Variants in ADAM12 observed in about 807,000 individuals in gnomAD.
ADAM12 encodes the protein ADAM metallopeptidase domain 12, also known as disintegrin and metalloproteinase domain-containing protein 12.
ADAM12 carries 70 observed loss-of-function variants against 106.4 expected under a neutral mutation model. The ratio of observed to expected loss-of-function variants is 0.66; its 90% confidence interval spans 0.54 to 0.80. ADAM12 has a LOEUF of 0.80. Among genes scored for constraint, ADAM12 ranks in the 30% least tolerant of loss-of-function variants. The pLI is 0.00. For synonymous variants in ADAM12, 420 were observed against 433.5 expected (o/e 0.97, Z 0.39); for missense variants, 1,010 against 1,171.9 (o/e 0.86, Z 2.02).
chr10:126,042,749 C>A (rs534370942), intron 18 of ADAM12, among the ~76,000 whole-genome samples: 1 of 152,310 alleles, frequency 6.6e-6, no homozygotes, highest in Non-Finnish European at 1.5e-5. Context: ...ACATTCATAC[C>A]CATTCAGCAG....
At position 126,049,632 on chromosome 10, in the gene ADAM12, G is replaced by C; in HGVS notation, c.1647C>G (p.Val549=). ...TGCCATAAGGATCACCTGCAGAATT[G>C]ACTCTCTCAAAGCAGATCCCAGGGG... ...KPAPGICFER[V]NSAGDPYGNC... Residue 549 remains valine (V), a synonymous_variant, in exon 15 of 23, where the codon GTC becomes GTG. Transcript: ENST00000448723. This position sits in a 1 kb window ranked among gnomAD's most constrained non-coding sequence, Gnocchi z 4.4. 1.2e-6 allele frequency: 2 copies of C among 1,614,094 alleles called. No homozygotes were observed. The highest frequency in any genetic ancestry group is 1.7e-6 in the Non-Finnish European group (2 of 1,180,034).
chr10:126,031,568 C>T (rs1190020976), intron 21 of ADAM12, among the ~76,000 whole-genome samples: 1 of 152,204 alleles, frequency 6.6e-6, no homozygotes, highest in Non-Finnish European at 1.5e-5. Flanking sequence ...AGCCCCAGCT[C>T]ATCATTCATC....
At position 126,042,027 on chromosome 10, in the gene ADAM12, C is replaced by T. The variant is rs61546477; in HGVS notation, c.2104+1013G>A. ...TGTGTTGTGTCTGTTGTCATGGAAA[C>T]GATGGCAAAGCCACAGAGTCAATGC... On this transcript the variant is annotated intron_variant, in intron 18 of 22. Transcript: ENST00000448723. 0.011 allele frequency: 16,378 copies of T among 1,480,224 alleles called. 1,472 individuals carry two copies. In the African/African-American group the frequency reaches 0.2, roughly 18 times the overall value. The allele number at this position is 1,480,224 out of a possible 1,614,324, so 91.7% of individuals were successfully genotyped here.
intron 2 of ADAM12, among the ~76,000 whole-genome samples, chr10:126,305,900 T>C (rs1015344756): frequency 6.6e-6 from 1 of 151,998 alleles, no homozygotes; most frequent in African/African-American, 2.4e-5. Context: ...TTTTGATGTG[T>C]TTGCTTGCAT....
chr10:126,013,618 T>C lies in ADAM12; in HGVS notation c.*3661A>G, dbSNP rs537982586. 47 of 152,326 alleles carry C rather than the reference T, an allele frequency of 3.1e-4. No homozygotes were observed. The highest frequency in any genetic ancestry group is 1.1e-3 in the African/African-American group (45 of 41,544). 9.4% of individuals were successfully genotyped at this position (152,326 alleles called of 1,614,324 possible). On this transcript the variant is annotated 3_prime_UTR_variant, in exon 23 of 23. Coordinates refer to ENST00000448723, the MANE Select transcript of ADAM12 (RefSeq NM_001288973.2). This position sits in a 1 kb window ranked among gnomAD's most constrained non-coding sequence, Gnocchi z 4.3. ...CACTTTGGCTGATCTAAAGTAGCAA[T>C]GGAAGTAGTGATTTGACTGTCAAAC...
intron 3 of ADAM12, among the ~76,000 whole-genome samples, chr10:126,158,945 A>G (rs1956882043): frequency 6.6e-6 from 1 of 151,868 alleles, no homozygotes; most frequent in African/African-American, 2.4e-5. Flanking sequence ...AGAGCATGGA[A>G]GATGCAGCTA....
At chr10:126,135,241 A>G in intron 5 of ADAM12, 1 of 254,540 alleles carries the variant, frequency 3.9e-6, no homozygotes, top group Non-Finnish European at 7.5e-6. Flanking sequence ...GTAATGTTCT[A>G]TCTTTTAGCA....
At chr10:126,187,326 T>TATAAA (rs1554983505) in intron 3 of ADAM12, among the ~76,000 whole-genome samples, 1 of 148,490 alleles carries the variant, frequency 6.7e-6, no homozygotes, top group East Asian at 2.0e-4. Context: ...GGAAATGAAA[T>TATAAA]AAAAAAAAAA....
rs1475870017 is a variant in ADAM12 at position 126,375,754 on chromosome 10, T to C, written c.88+12304A>G. Among the ~76,000 whole-genome samples, 3 of 145,452 alleles carry C rather than the reference T, an allele frequency of 2.1e-5. No homozygotes were observed. The East Asian group carries it at 5.9e-4, about 29-fold the overall frequency. ...ACTTCTTCTTCTTCTTTTTTTTTTT[T>C]CTTTCTTTTTTGAGACAGGGTCAGG... On this transcript the variant is annotated intron_variant, in intron 1 of 22. Coordinates refer to ENST00000448723, the MANE Select transcript of ADAM12 (RefSeq NM_001288973.2).
At chr10:126,323,393 A>C (rs1440242090) in intron 2 of ADAM12, among the ~76,000 whole-genome samples, 1 of 152,230 alleles carries the variant, frequency 6.6e-6, no homozygotes, top group African/African-American at 2.4e-5. Context: ...CCCAGGTAAG[A>C]TACCACATAG....
At chr10:126,226,908 T>C (rs111677556) in intron 3 of ADAM12, among the ~76,000 whole-genome samples, 1 of 152,330 alleles carries the variant, frequency 6.6e-6, no homozygotes, top group African/African-American at 2.4e-5. Flanking sequence ...TATGAACATA[T>C]ATACTGGCCA....
chr10:126,164,511 A>C (rs924437345), intron 3 of ADAM12, among the ~76,000 whole-genome samples: 1 of 152,230 alleles, frequency 6.6e-6, no homozygotes, highest in East Asian at 1.9e-4. Flanking sequence ...GAATGTGGAA[A>C]TACAGCTACA....
chr10:126,204,582 C>T (rs1330416098), intron 3 of ADAM12, among the ~76,000 whole-genome samples: 1 of 152,190 alleles, frequency 6.6e-6, no homozygotes, highest in Non-Finnish European at 1.5e-5. Context: ...CCCTCTCATC[C>T]CTCAACGTTT....
intron 1 of ADAM12, among the ~76,000 whole-genome samples, chr10:126,362,533 G>C (rs1452420270): frequency 6.6e-6 from 1 of 152,048 alleles, no homozygotes. Context: ...CGATAGTCAA[G>C]TTATAGAATT....
intron 3 of ADAM12, among the ~76,000 whole-genome samples, chr10:126,240,108 C>T (rs564627211): frequency 6.6e-6 from 1 of 150,918 alleles, no homozygotes; most frequent in African/African-American, 2.5e-5. Context: ...CAGTGCTCAG[C>T]AGTGAAGTGC....
At chr10:126,100,390 A>G (rs1205843037) in intron 9 of ADAM12, among the ~76,000 whole-genome samples, 1 of 152,082 alleles carries the variant, frequency 6.6e-6, no homozygotes, top group Non-Finnish European at 1.5e-5. Flanking sequence ...ATTTTCCACT[A>G]ATAATGATGA....
intron 3 of ADAM12, among the ~76,000 whole-genome samples, chr10:126,204,728 A>C (rs1471960000): frequency 1.3e-5 from 2 of 152,088 alleles, no homozygotes; most frequent in Non-Finnish European, 2.9e-5. Context: ...TTGTGTGACC[A>C]CTCGGACTGC....
chr10:126,241,166 AGGCCAATCC>A (rs1958515963), intron 3 of ADAM12, among the ~76,000 whole-genome samples: 2 of 152,234 alleles, frequency 1.3e-5, no homozygotes, highest in Non-Finnish European at 2.9e-5. Flanking sequence ...TGTCTAAAAT[AGGCCAATCC>A]ATAGAGACCT....
At chr10:126,237,381 C>T (rs140764324) in intron 3 of ADAM12, among the ~76,000 whole-genome samples, 109 of 152,064 alleles carry the variant, frequency 7.2e-4, no homozygotes, top group Non-Finnish European at 9.0e-4. Context: ...GAGGGGACTC[C>T]CCTATACCCA....
Sources: allele counts gnomAD v4.1 joint callset (sites outside exome capture counted in the v4.1 genomes callset), GRCh38; gene constraint gnomAD v4.1.1; non-coding constraint Gnocchi (gnomAD v3.1); transcripts MANE v1.5; gene names NCBI Gene and HGNC (gene_info 2026-07-23, HGNC 2026-07-21).